Variants in NR2F1-AS1 observed in about 807,000 individuals in gnomAD.
The protein encoded by NR2F1-AS1 is NR2F1 regulatory antisense RNA 1.
chr5:93,561,492 G>C (rs1020703022), intron 2 of NR2F1-AS1, among the ~76,000 whole-genome samples: 1 of 151,924 alleles, frequency 6.6e-6, no homozygotes, highest in Non-Finnish European at 1.5e-5. Context: ...ATGAAAACAG[G>C]CCAGGCGCAG....
chr5:93,421,461 T>A (rs551735574), intron 4 of NR2F1-AS1, among the ~76,000 whole-genome samples: 1 of 152,154 alleles, frequency 6.6e-6, no homozygotes. Flanking sequence ...CAAGTCTCCA[T>A]TCCTCGGTGT....
intron 4 of NR2F1-AS1, among the ~76,000 whole-genome samples, chr5:93,503,904 A>AGC (rs112431890): frequency 0.17 from 26,093 of 151,954 alleles, 3,471 homozygotes; most frequent in African/African-American, 0.38. Flanking sequence ...AATAAATCAC[A>AGC]CATGAGCATG....
intron 4 of NR2F1-AS1, among the ~76,000 whole-genome samples, chr5:93,424,674 A>C (rs1158704352): frequency 6.6e-6 from 1 of 152,216 alleles, no homozygotes; most frequent in Admixed American, 6.5e-5. Flanking sequence ...CCTTGAATGC[A>C]TTCCTCATAA....
upstream of NR2F1-AS1, chr5:93,584,343 C>A: frequency 1.3e-5 from 2 of 150,274 alleles, no homozygotes; most frequent in South Asian, 3.6e-4. Flanking sequence ...CCGCCTCCGC[C>A]CTCGCCGGCT....
At chr5:93,458,905 G>A (rs971827754) in intron 4 of NR2F1-AS1, among the ~76,000 whole-genome samples, 6 of 151,890 alleles carry the variant, frequency 4.0e-5, no homozygotes, top group African/African-American at 7.3e-5. Context: ...CCAGCTACTC[G>A]GGAGGCTGAG....
At position 93,457,794 on chromosome 5, in the gene NR2F1-AS1, C is replaced by T. The variant is rs191613725; in HGVS notation, n.639-62252G>A. Among the ~76,000 whole-genome samples, 369 of 151,914 alleles carry T rather than the reference C, an allele frequency of 2.4e-3. 2 individuals are homozygous for T. The highest frequency in any genetic ancestry group is 8.3e-3 in the African/African-American group (345 of 41,438). On this transcript the variant is annotated intron_variant and non_coding_transcript_variant, in intron 4 of 5. Coordinates refer to ENST00000660523, the Ensembl canonical transcript of NR2F1-AS1. ...TCAGCTTCTTTAATTGTGCCCAAGT[C>T]GGTGGCTCTGCCTTCTTGGTGGATG...
intron 1 of NR2F1-AS1, among the ~76,000 whole-genome samples, chr5:93,566,452 A>G (rs577852649): frequency 6.6e-6 from 1 of 152,230 alleles, no homozygotes; most frequent in South Asian, 2.1e-4. Context: ...ACTACAGAAG[A>G]GAAACAAATA....
chr5:93,470,624 T>C (rs1363636209), intron 4 of NR2F1-AS1, among the ~76,000 whole-genome samples: 1 of 151,858 alleles, frequency 6.6e-6, no homozygotes, highest in Non-Finnish European at 1.5e-5. Context: ...TCTCCTATCA[T>C]GTTTACTTGT....
intron 4 of NR2F1-AS1, among the ~76,000 whole-genome samples, chr5:93,439,478 T>C (rs1749511826): frequency 6.6e-6 from 1 of 152,186 alleles, no homozygotes; most frequent in East Asian, 1.9e-4. Flanking sequence ...GTATTTTTAG[T>C]AGAGACGGGG....
At chr5:93,553,998 A>G (rs745613447) in intron 3 of NR2F1-AS1, 1 of 152,186 alleles carries the variant, frequency 6.6e-6, no homozygotes, top group African/African-American at 2.4e-5. Context: ...ATGTATAAAT[A>G]CTGTATGATT....
At chr5:93,456,993 A>G (rs549101523) in intron 4 of NR2F1-AS1, among the ~76,000 whole-genome samples, 1 of 152,350 alleles carries the variant, frequency 6.6e-6, no homozygotes, top group East Asian at 1.9e-4. Context: ...TCTCACCTCC[A>G]GCCCTAAGGC....
intron 4 of NR2F1-AS1, among the ~76,000 whole-genome samples, chr5:93,436,494 A>G (rs539579031): frequency 3.9e-5 from 6 of 152,278 alleles, no homozygotes; most frequent in Non-Finnish European, 7.4e-5. Flanking sequence ...AAGTTTCTCA[A>G]ATGACTTACC....
intron 4 of NR2F1-AS1, among the ~76,000 whole-genome samples, chr5:93,483,511 T>G (rs249258): frequency 0.016 from 2,445 of 152,156 alleles, 33 homozygotes; most frequent in Non-Finnish European, 0.024. Flanking sequence ...ACAAAAAAGC[T>G]GAAAATTCCA....
chr5:93,534,992 T>C (rs142157099), intron 4 of NR2F1-AS1, among the ~76,000 whole-genome samples: 1 of 152,308 alleles, frequency 6.6e-6, no homozygotes, highest in African/African-American at 2.4e-5. Flanking sequence ...TAGGCATCTA[T>C]AGGAATTAGA....
chr5:93,437,066 C>A (rs889610467), intron 4 of NR2F1-AS1, among the ~76,000 whole-genome samples: 3 of 151,550 alleles, frequency 2.0e-5, no homozygotes, highest in Non-Finnish European at 4.4e-5. Flanking sequence ...TCTTGGTATT[C>A]AATTGTTTAA....
At chr5:93,559,133 G>T (rs1393493409) in intron 2 of NR2F1-AS1, among the ~76,000 whole-genome samples, 1 of 152,220 alleles carries the variant, frequency 6.6e-6, no homozygotes, top group Non-Finnish European at 1.5e-5. Flanking sequence ...CTGAAAATAT[G>T]TTGTTTGTTG....
At chr5:93,411,703 AC>A (rs369707735) in intron 4 of NR2F1-AS1, among the ~76,000 whole-genome samples, 2 of 151,804 alleles carry the variant, frequency 1.3e-5, no homozygotes, top group Admixed American at 6.6e-5. Context: ...AATCCATCTC[AC>A]CCCCAGGCAC....
chr5:93,504,332 T>C (rs1216675909), intron 4 of NR2F1-AS1, among the ~76,000 whole-genome samples: 2 of 152,096 alleles, frequency 1.3e-5, no homozygotes, highest in Non-Finnish European at 2.9e-5. Context: ...ATAGAAAACA[T>C]GAACATATTC....
intron 4 of NR2F1-AS1, among the ~76,000 whole-genome samples, chr5:93,494,964 C>A (rs1156890659): frequency 6.6e-6 from 1 of 151,966 alleles, no homozygotes; most frequent in Non-Finnish European, 1.5e-5. Context: ...TGTATGGTTC[C>A]ATTTATATGA....
Sources: gnomAD v4.1 joint callset for allele counts (sites outside exome capture counted in the v4.1 genomes callset) on GRCh38, gnomAD v4.1.1 for gene constraint, MANE v1.5 for transcripts, NCBI Gene and HGNC (gene_info 2026-07-23, HGNC 2026-07-21) for gene names.